Variants in NEMP2 observed in about 807,000 individuals in gnomAD.
NEMP2 encodes the protein UPF0571 transmembrane protein.
A neutral mutation model predicts 54.2 loss-of-function variants in NEMP2; 53 were observed. That is an observed-to-expected ratio of 0.98 (90% confidence interval 0.78 to 1.23). The LOEUF is 1.23. NEMP2 is among the 50% of genes most tolerant of loss of function. The probability of loss-of-function intolerance (pLI) is 0.00; values close to 1 mark genes in which losing one functional copy is unlikely to be tolerated. For synonymous variants in NEMP2, 197 were observed against 190.3 expected (o/e 1.04, Z -0.29); for missense variants, 455 against 511.3 (o/e 0.89, Z 1.06).
chr2:190,560,530 G>A, the NEMP2 span, among the ~76,000 whole-genome samples: 103 of 152,050 alleles, frequency 6.8e-4, 2 homozygotes, highest in Non-Finnish European at 2.5e-4. This position sits in a 1 kb window ranked among gnomAD's most constrained non-coding sequence, Gnocchi z 5.4. Flanking sequence ...TATGACATTT[G>A]TCCTAATTAT....
chr2:190,429,516 CG>C, the NEMP2 span, among the ~76,000 whole-genome samples: 1 of 151,836 alleles, frequency 6.6e-6, no homozygotes, highest in East Asian at 1.9e-4. Flanking sequence ...TTAGTAAAGA[CG>C]GGGTTTCATC....
intron 1 of NEMP2, chr2:190,534,267 C>A: frequency 8.8e-7 from 1 of 1,141,954 alleles, no homozygotes; most frequent in Non-Finnish European, 1.1e-6. Context: ...ATCAAAACCT[C>A]TCTGAGTTTC....
chr2:190,452,327 GATA>G, the NEMP2 span, among the ~76,000 whole-genome samples: 113 of 151,946 alleles, frequency 7.4e-4, no homozygotes, highest in African/African-American at 2.6e-3. Context: ...ATAATTATGG[GATA>G]ATATTTTAAA....
At chr2:190,587,914 C>T in the NEMP2 span, among the ~76,000 whole-genome samples, 9 of 152,242 alleles carry the variant, frequency 5.9e-5, no homozygotes, top group East Asian at 1.7e-3. This position sits in a 1 kb window ranked among gnomAD's most constrained non-coding sequence, Gnocchi z 5.4. Flanking sequence ...CACTAAGATT[C>T]CTCTCTTTCA....
At chr2:190,441,815 C>CTT in the NEMP2 span, among the ~76,000 whole-genome samples, 1 of 152,102 alleles carries the variant, frequency 6.6e-6, no homozygotes, top group African/African-American at 2.4e-5. Context: ...AACATTCTCT[C>CTT]CTCTCTTTAT....
upstream of NEMP2, among the ~76,000 whole-genome samples, chr2:190,539,077 T>G (rs1442605923): frequency 6.6e-6 from 1 of 152,212 alleles, no homozygotes; most frequent in Non-Finnish European, 1.5e-5. This position sits in a 1 kb window ranked among gnomAD's most constrained non-coding sequence, Gnocchi z 4.1. Flanking sequence ...AGTTTCATAG[T>G]TTCAGGTCTT....
At chr2:190,499,872 C>T (rs1439276475), downstream of NEMP2, 4 of 1,552,702 alleles carry the variant, frequency 2.6e-6, no homozygotes, top group East Asian at 9.7e-5. This position sits in a 1 kb window ranked among gnomAD's most constrained non-coding sequence, Gnocchi z 6.0. Context: ...ACATTCTATC[C>T]TTATTCCTCT....
chr2:190,617,328 T>TG, the NEMP2 span, among the ~76,000 whole-genome samples: 8 of 152,102 alleles, frequency 5.3e-5, no homozygotes, highest in Non-Finnish European at 1.2e-4. This position sits in a 1 kb window ranked among gnomAD's most constrained non-coding sequence, Gnocchi z 5.0. Flanking sequence ...TGAGTGATTT[T>TG]TTTTCTGAGA....
the NEMP2 span, chr2:190,443,120 CA>C: frequency 6.6e-6 from 1 of 152,144 alleles, no homozygotes; most frequent in Non-Finnish European, 1.5e-5. This position sits in a 1 kb window ranked among gnomAD's most constrained non-coding sequence, Gnocchi z 4.2. Flanking sequence ...GAGCACCCCC[CA>C]ATATCATCAC....
At chr2:190,488,384 T>G in the NEMP2 span, among the ~76,000 whole-genome samples, 1 of 151,820 alleles carries the variant, frequency 6.6e-6, no homozygotes, top group Non-Finnish European at 1.5e-5. This position sits in a 1 kb window ranked among gnomAD's most constrained non-coding sequence, Gnocchi z 6.4. Flanking sequence ...GGACAAGGGG[T>G]GAGTGTAAGT....
the NEMP2 span, among the ~76,000 whole-genome samples, chr2:190,647,948 A>G: frequency 1.3e-5 from 2 of 152,154 alleles, no homozygotes; most frequent in Admixed American, 6.5e-5. Flanking sequence ...TCCGGACCTC[A>G]GGTGATCCGC....
chr2:190,579,142 C>T, the NEMP2 span, among the ~76,000 whole-genome samples: 1 of 152,144 alleles, frequency 6.6e-6, no homozygotes, highest in East Asian at 1.9e-4. Flanking sequence ...TGTGTGTGTC[C>T]TTTTTGATGG....
the NEMP2 span, among the ~76,000 whole-genome samples, chr2:190,434,350 T>C: frequency 6.6e-6 from 1 of 152,170 alleles, no homozygotes; most frequent in Non-Finnish European, 1.5e-5. The surrounding 1 kb of genome is among the most constrained non-coding windows in gnomAD (Gnocchi z 4.3). Flanking sequence ...AAAGGGAAAT[T>C]CTGATGGGAT....
rs910181052 is a variant in NEMP2 at position 190,505,958 on chromosome 2, T to C, written c.*3231A>G. ...TGAATTATATAACAAGCTCCCTTTG[T>C]TTTGTTTCAGTTCACCAAGTAGCCA... is the stretch of plus-strand genomic sequence containing the variant. On this transcript the variant is annotated 3_prime_UTR_variant, in exon 9 of 9. Transcript: ENST00000409150. This position sits in a 1 kb window ranked among gnomAD's most constrained non-coding sequence, Gnocchi z 5.8. 40 of 152,366 alleles carry C rather than the reference T, an allele frequency of 2.6e-4. No homozygotes were observed. Among genetic ancestry groups the C allele is most frequent in the African/African-American group, 9.1e-4 (38 of 41,586 alleles). 9.4% of individuals were successfully genotyped at this position (152,366 alleles called of 1,614,324 possible). A position where few individuals can be genotyped will look rare whatever the true frequency, so the allele number is the denominator to read the frequency against.
chr2:190,581,809 G>T, the NEMP2 span, among the ~76,000 whole-genome samples: 4 of 152,140 alleles, frequency 2.6e-5, no homozygotes, highest in Non-Finnish European at 4.4e-5. Context: ...CCGTGCTGGA[G>T]CCCATTTATA....
At chr2:190,646,506 A>G in the NEMP2 span, among the ~76,000 whole-genome samples, 1 of 152,236 alleles carries the variant, frequency 6.6e-6, no homozygotes, top group Non-Finnish European at 1.5e-5. Flanking sequence ...GTTGTCATAC[A>G]GACATACAGA....
At chr2:190,479,070 C>T in the NEMP2 span, among the ~76,000 whole-genome samples, 1 of 152,140 alleles carries the variant, frequency 6.6e-6, no homozygotes, top group Admixed American at 6.5e-5. Context: ...TGATTGTCCT[C>T]TCAGGCCATG....
chr2:190,511,661 T>C (rs941752116), intron 7 of NEMP2, among the ~76,000 whole-genome samples: 2 of 150,826 alleles, frequency 1.3e-5, no homozygotes, highest in Non-Finnish European at 3.0e-5. Flanking sequence ...TTCAAGCAAT[T>C]CTCCTGCCTC....
chr2:190,428,634 C>G, the NEMP2 span, among the ~76,000 whole-genome samples: 1 of 150,994 alleles, frequency 6.6e-6, no homozygotes, highest in African/African-American at 2.4e-5. Flanking sequence ...TGTTGGCACT[C>G]AAACATTTAG....
Sources: allele counts gnomAD v4.1 joint callset (sites outside exome capture counted in the v4.1 genomes callset), GRCh38; gene constraint gnomAD v4.1.1; non-coding constraint Gnocchi (gnomAD v3.1); transcripts MANE v1.5; gene names NCBI Gene and HGNC (gene_info 2026-07-23, HGNC 2026-07-21).